Variants in ZNF280C observed in about 807,000 individuals in gnomAD.
The protein encoded by ZNF280C is suppressor of hairy wing homolog 3.
ZNF280C carries 14 observed loss-of-function variants against 53.6 expected under a neutral mutation model. The observed-to-expected ratio is 0.26, with a 90% confidence interval of 0.17 to 0.41. The LOEUF (loss-of-function observed/expected upper bound fraction) is 0.41, where lower values mean the gene tolerates loss of function less well. Among genes scored for constraint, ZNF280C ranks in the 10% least tolerant of loss-of-function variants. ZNF280C has a pLI of 1.00. For missense variants in ZNF280C, 416 were observed against 547.1 expected, an observed-to-expected ratio of 0.76 and a Z score of 2.39; for synonymous variants, 203 against 181.1, an observed-to-expected ratio of 1.12 and a Z score of -0.97.
At chrX:130,248,095 G>C (rs953625483) in intron 2 of ZNF280C, among the ~76,000 whole-genome samples, 6 of 99,033 alleles carry the variant, frequency 6.1e-5, no homozygotes, top group Non-Finnish European at 1.0e-4. Flanking sequence ...GGATTTTAAA[G>C]AAAACCGACA....
chrX:130,249,508 A>G (rs1215632941), intron 2 of ZNF280C, among the ~76,000 whole-genome samples: 2 of 112,165 alleles, frequency 1.8e-5, no homozygotes, highest in Admixed American at 9.5e-5. Flanking sequence ...CAGAGGTCCA[A>G]TATCAGTCCT....
intron 2 of ZNF280C, among the ~76,000 whole-genome samples, chrX:130,254,989 GACA>G (rs1488631792): frequency 6.8e-5 from 7 of 102,582 alleles, no homozygotes; most frequent in African/African-American, 1.8e-4. Flanking sequence ...AGACAGATAA[GACA>G]ACGATATTAT....
chrX:130,205,165 A>G lies in ZNF280C; in HGVS notation c.2162-12T>C. On this transcript the variant is annotated splice_polypyrimidine_tract_variant and intron_variant, in intron 17 of 18. Transcript: ENST00000370978. ...GGTACTTTTGGAAACTGAAATCAAA[A>G]GAGTTTTACATTTACAATAGCATAT... 1 of 1,195,825 alleles carries G rather than the reference A, an allele frequency of 8.4e-7. No individual in the cohort carries two copies. Among genetic ancestry groups the G allele is most frequent in the Non-Finnish European group, 1.1e-6 (1 of 884,556 alleles).
At chrX:130,231,384 A>G (rs1267932982) in intron 8 of ZNF280C, among the ~76,000 whole-genome samples, 1 of 112,436 alleles carries the variant, frequency 8.9e-6, no homozygotes. Context: ...CAGCCATAAA[A>G]AAGAATGAAA....
Position 130,243,582 on chromosome X carries a change from A to T in ZNF280C, c.362T>A (p.Val121Asp), listed in dbSNP as rs752131966. The T allele has an allele frequency of 8.3e-7, 1 of 1,209,965 alleles. No homozygotes were observed. Among genetic ancestry groups the T allele is most frequent in the East Asian group, 3.0e-5 (1 of 33,837 alleles). The part of the protein sequence containing the change: ...VSKSSQSSVT[V>D]ENASKPDFTK... ...ACTTACAGGTTTAGACGCATTCTCA[A>T]CAGTAACAGAGCTTTGTGAAGATTT... Residue 121 changes from valine (V) to aspartate (D), a missense_variant, in exon 5 of 19, where the codon GTT becomes GAT. Physicochemically the swap from Val to Asp is radical, Grantham distance 152 (BLOSUM62 -3). Coordinates refer to ENST00000370978, the MANE Select transcript of ZNF280C (RefSeq NM_017666.5).
At chrX:130,267,470 C>T (rs1377141867) in intron 1 of ZNF280C, among the ~76,000 whole-genome samples, 1 of 111,808 alleles carries the variant, frequency 8.9e-6, no homozygotes, top group Non-Finnish European at 1.9e-5. Context: ...GGTTCCATCA[C>T]TTCCTAGGCA....
At chrX:130,257,984 G>T (rs777486890) in intron 2 of ZNF280C, among the ~76,000 whole-genome samples, 1 of 111,207 alleles carries the variant, frequency 9.0e-6, no homozygotes, top group South Asian at 3.8e-4. Context: ...TGGGAGTGGT[G>T]GGGCACACCT....
intron 15 of ZNF280C, among the ~76,000 whole-genome samples, chrX:130,211,501 C>T (rs1360223914): frequency 8.9e-6 from 1 of 111,861 alleles, no homozygotes; most frequent in Non-Finnish European, 1.9e-5. Flanking sequence ...ACATACAGAA[C>T]TCAAACCTAT....
chrX:130,215,283 T>C lies in ZNF280C; in HGVS notation c.1889A>G (p.Asp630Gly). 4 of 1,203,021 alleles carry C rather than the reference T, an allele frequency of 3.3e-6. No individual in the cohort carries two copies. ...KCIECHSKIK[D>G]FASHFSIYIH... ...GTATATAGAAAAGTGGCTTGCAAAA[T>C]CTTTTATTTTGGAATGACATTCAAT... The change falls in exon 15 of 19, where the codon GAT becomes GGT. Residue 630 changes from aspartate to glycine, a missense_variant. Asp to Gly is a moderately conservative substitution (Grantham distance 94). Transcript: ENST00000370978.
At chrX:130,234,698 A>AC (rs1262484026) in intron 8 of ZNF280C, among the ~76,000 whole-genome samples, 3 of 111,325 alleles carry the variant, frequency 2.7e-5, no homozygotes, top group Non-Finnish European at 5.7e-5. Context: ...TGTCATTTAC[A>AC]CTGGGCATGC....
chrX:130,256,017 A>G (rs1259380640), intron 2 of ZNF280C, among the ~76,000 whole-genome samples: 1 of 111,350 alleles, frequency 9.0e-6, no homozygotes, highest in Non-Finnish European at 1.9e-5. Context: ...CTCAAGTCCT[A>G]GTTACTCAGA....
intron 3 of ZNF280C, among the ~76,000 whole-genome samples, chrX:130,244,287 C>T (rs1056727014): frequency 8.9e-6 from 1 of 111,892 alleles, no homozygotes; most frequent in East Asian, 2.8e-4. Flanking sequence ...TTGAGCCTCA[C>T]AAAACCCTCT....
intron 16 of ZNF280C, among the ~76,000 whole-genome samples, chrX:130,207,652 G>A (rs1483575289): frequency 9.0e-5 from 10 of 111,658 alleles, no homozygotes; most frequent in Non-Finnish European, 1.3e-4. Context: ...ATGAGTCACC[G>A]TGCCCGGCCA....
In ZNF280C at chrX:130,264,380, A is replaced by G. The variant is rs142892112; in HGVS notation, c.-16-3915T>C. ...AATAAATTCATCAATGGATTACCCC[A>G]TTTTTCAAACCAGGGTCAACAGACC... On this transcript the variant is annotated intron_variant, in intron 1 of 18. Coordinates refer to ENST00000370978, the MANE Select transcript of ZNF280C (RefSeq NM_017666.5). 9.1e-3 allele frequency among the ~76,000 whole-genome samples: 1,020 copies of G among 111,635 alleles called. 11 individuals are homozygous for G. Among genetic ancestry groups the G allele is most frequent in the African/African-American group, 0.031 (961 of 30,739 alleles).
At chrX:130,237,615 C>T (rs780728840) in intron 6 of ZNF280C, among the ~76,000 whole-genome samples, 1 of 111,715 alleles carries the variant, frequency 9.0e-6, no homozygotes, top group East Asian at 2.8e-4. Context: ...GTTTTAAAAG[C>T]TCACAACTGT....
At chrX:130,247,265 C>T (rs976315134) in intron 2 of ZNF280C, among the ~76,000 whole-genome samples, 2 of 110,940 alleles carry the variant, frequency 1.8e-5, no homozygotes, top group South Asian at 3.8e-4. Context: ...CCCACTGCTA[C>T]GCCCAGTTAA....
chrX:130,237,052 T>A (rs1242457588), intron 6 of ZNF280C, among the ~76,000 whole-genome samples: 1 of 112,103 alleles, frequency 8.9e-6, no homozygotes, highest in Non-Finnish European at 1.9e-5. Context: ...ATTTAGATGC[T>A]TAAATACATT....
intron 8 of ZNF280C, among the ~76,000 whole-genome samples, chrX:130,232,981 A>G (rs186065795): frequency 4.5e-5 from 5 of 111,485 alleles, no homozygotes; most frequent in African/African-American, 1.3e-4. Context: ...AGGATGTGGT[A>G]TATATATATA....
At chrX:130,219,810 T>C (rs1022253315) in intron 13 of ZNF280C, among the ~76,000 whole-genome samples, 6 of 110,196 alleles carry the variant, frequency 5.4e-5, no homozygotes, top group Non-Finnish European at 7.6e-5. Flanking sequence ...CTACAGAACA[T>C]TGAAACGACC....
Sources: allele counts gnomAD v4.1 joint callset (sites outside exome capture counted in the v4.1 genomes callset), GRCh38; gene constraint gnomAD v4.1.1; transcripts MANE v1.5; gene names NCBI Gene and HGNC (gene_info 2026-07-23, HGNC 2026-07-21).